Variants in SLC6A6 observed in about 807,000 individuals in gnomAD.
The protein encoded by SLC6A6 is sodium- and chloride-dependent taurine transporter.
In SLC6A6, 16 loss-of-function variants were observed where a neutral mutation model predicts 68.8. That is an observed-to-expected ratio of 0.23 (90% CI 0.16 to 0.35). The LOEUF (loss-of-function observed/expected upper bound fraction) is 0.35. SLC6A6 is among the 10% of genes least tolerant of loss of function. The pLI is 1.00. For missense variants in SLC6A6, 474 were observed against 802.8 expected (o/e 0.59, Z 4.95); for synonymous variants, 312 against 315.4 (o/e 0.99, Z 0.12).
In SLC6A6 at chr3:14,468,362, C is replaced by T. The variant is rs1700671619; in HGVS notation, c.1096+150C>T. ...CCCCCCCCCGCCACCAAGATATCCC[C>T]CAAATTTCAAAGAGTACAAAGCCAA... On this transcript the variant is annotated intron_variant, in intron 9 of 14. Coordinates refer to ENST00000622186, the MANE Select transcript of SLC6A6 (RefSeq NM_003043.6). This position sits in a 1 kb window ranked among gnomAD's most constrained non-coding sequence, Gnocchi z 4.5. 5.5e-6 allele frequency: 4 copies of T among 730,072 alleles called. No individual in the cohort carries two copies. In the South Asian group the frequency reaches 8.7e-5, roughly 16 times the overall value. The allele number at this position is 730,072 out of a possible 1,614,324, so 45.2% of individuals were successfully genotyped here.
At position 14,413,235 on chromosome 3, in the gene SLC6A6, T is replaced by G. The variant is rs117472380; in HGVS notation, c.-53-3177T>G. On this transcript the variant is annotated intron_variant, in intron 1 of 14. Transcript: ENST00000622186. ...GAGCCCAAGGAAGCACCTTAGCCTC[T>G]GACAGCCTCCCCCATTATTTAAATA... is the stretch of plus-strand genomic sequence containing the variant. Among the ~76,000 whole-genome samples, 63 of 152,332 alleles carry G rather than the reference T, an allele frequency of 4.1e-4. No homozygotes were observed. The East Asian group carries it at 0.011, about 26-fold the overall frequency.
chr3:14,409,498 G>C (rs1171279555), intron 1 of SLC6A6, among the ~76,000 whole-genome samples: 1 of 152,272 alleles, frequency 6.6e-6, no homozygotes, highest in African/African-American at 2.4e-5. Flanking sequence ...AAGGGTGGAA[G>C]GAGCGCTGGA....
intron 10 of SLC6A6, among the ~76,000 whole-genome samples, chr3:14,475,640 TG>T (rs1014577593): frequency 1.1e-4 from 17 of 152,284 alleles, no homozygotes; most frequent in African/African-American, 4.1e-4. Flanking sequence ...TGGGGGTTTG[TG>T]CTGGTCTTGG....
chr3:14,409,986 G>A (rs973734606), intron 1 of SLC6A6, among the ~76,000 whole-genome samples: 3 of 152,136 alleles, frequency 2.0e-5, no homozygotes, highest in African/African-American at 7.2e-5. Context: ...AGGAGTTCGA[G>A]ACCAGCCTGG....
chr3:14,407,969 T>C (rs1048729584), intron 1 of SLC6A6, among the ~76,000 whole-genome samples: 1 of 151,918 alleles, frequency 6.6e-6, no homozygotes, highest in African/African-American at 2.4e-5. Context: ...TTTTTATCGC[T>C]GAGTAGTCTC....
chr3:14,448,520 G>A (rs1441104258), intron 5 of SLC6A6, among the ~76,000 whole-genome samples: 2 of 152,140 alleles, frequency 1.3e-5, no homozygotes, highest in South Asian at 2.1e-4. Flanking sequence ...GCTTGTCACC[G>A]GCCACTAAGC....
rs139643110 is a variant in SLC6A6, at chr3:14,481,510, G to T, written c.1552-161G>T. On this transcript the variant is annotated intron_variant, in intron 13 of 14. Transcript: ENST00000622186. This position sits in a 1 kb window ranked among gnomAD's most constrained non-coding sequence, Gnocchi z 4.7. ...CGACTTACTGTGTTTTTACCGGGGC[G>T]GGGGGGATCCTTATGGCAGCAGAGA... 8.6e-5 allele frequency among the ~76,000 whole-genome samples: 13 copies of T among 152,016 alleles called. No individual in the cohort carries two copies. The East Asian group carries it at 2.1e-3, about 25-fold the overall frequency.
intron 10 of SLC6A6, among the ~76,000 whole-genome samples, chr3:14,476,988 C>T (rs554832658): frequency 5.0e-4 from 76 of 152,222 alleles, no homozygotes; most frequent in Non-Finnish European, 8.7e-4. Flanking sequence ...CCGAATGTTG[C>T]GTTGTCTGGC....
chr3:14,457,498 C>A (rs1700395554), intron 5 of SLC6A6, among the ~76,000 whole-genome samples: 1 of 152,328 alleles, frequency 6.6e-6, no homozygotes, highest in Non-Finnish European at 1.5e-5. Context: ...TGGGGGAGGG[C>A]AACACTTTAT....
At chr3:14,457,767 T>C (rs1413260966) in intron 5 of SLC6A6, among the ~76,000 whole-genome samples, 183 bp from the exon 6 acceptor site, 1 of 152,210 alleles carries the variant, frequency 6.6e-6, no homozygotes, top group East Asian at 1.9e-4. Context: ...TCCTTTTCTT[T>C]TCTTTCCAAC....
At chr3:14,428,118 T>G (rs538156703) in intron 2 of SLC6A6, among the ~76,000 whole-genome samples, 4 of 152,206 alleles carry the variant, frequency 2.6e-5, no homozygotes, top group African/African-American at 9.6e-5. Flanking sequence ...AGCAAGAATA[T>G]TGATGGGGAC....
intron 14 of SLC6A6, 30 bp from the exon 15 acceptor site, chr3:14,484,837 T>C (rs939847099): frequency 1.9e-6 from 3 of 1,605,352 alleles, no homozygotes; most frequent in Admixed American, 3.3e-5. Flanking sequence ...GCCTGACGTT[T>C]CCCCCCTCAC....
intron 6 of SLC6A6, among the ~76,000 whole-genome samples, chr3:14,460,109 A>C (rs952982273): frequency 2.0e-5 from 3 of 152,032 alleles, no homozygotes; most frequent in African/African-American, 7.2e-5. Flanking sequence ...GTTTCTGTGG[A>C]GCACTGGTCC....
intron 1 of SLC6A6, among the ~76,000 whole-genome samples, chr3:14,410,536 AGGGAGAG>A (rs1432587966): frequency 6.6e-6 from 1 of 152,212 alleles, no homozygotes; most frequent in African/African-American, 2.4e-5. Flanking sequence ...CGTGGAAGGT[AGGGAGAG>A]GGCTGGTGGT....
In SLC6A6 at chr3:14,416,416, A is replaced by G. The variant is rs912653152; in HGVS notation, c.-49A>G. 5.0e-6 allele frequency: 2 copies of G among 398,778 alleles called. No homozygotes were observed. The highest frequency in any genetic ancestry group is 8.8e-6 in the Non-Finnish European group (2 of 226,150). 24.7% of individuals were successfully genotyped at this position (398,778 alleles called of 1,614,324 possible). ...CGCTTCCTCTCTTTGCAATAGATCCAGAACCAGAACCACAGCCCTTCTGAG... is the reference window on the plus strand; with the variant it reads ...CGCTTCCTCTCTTTGCAATAGATCCGGAACCAGAACCACAGCCCTTCTGAG... On this transcript the variant is annotated 5_prime_UTR_variant, in exon 2 of 15. Transcript: ENST00000622186.
chr3:14,436,440 G>T (rs983539202), intron 2 of SLC6A6, among the ~76,000 whole-genome samples: 3 of 149,538 alleles, frequency 2.0e-5, no homozygotes, highest in Non-Finnish European at 4.4e-5. Context: ...CTGGCCTCAA[G>T]CCACCCTTTC....
intron 1 of SLC6A6, among the ~76,000 whole-genome samples, chr3:14,415,234 C>G (rs895183097): frequency 6.6e-6 from 1 of 152,222 alleles, no homozygotes; most frequent in Non-Finnish European, 1.5e-5. Flanking sequence ...ACTGACTGTT[C>G]CTACTCCACA....
At chr3:14,448,884 G>C (rs945820692) in intron 5 of SLC6A6, among the ~76,000 whole-genome samples, 1 of 152,248 alleles carries the variant, frequency 6.6e-6, no homozygotes, top group Non-Finnish European at 1.5e-5. Flanking sequence ...CCAGCCTTGG[G>C]GCTCAGCACT....
At position 14,447,587 on chromosome 3, in the gene SLC6A6, G is replaced by A. The variant is rs1340576249; in HGVS notation, c.370G>A (p.Gly124Ser). 3.7e-6 allele frequency: 6 copies of A among 1,614,170 alleles called. No individual in the cohort carries two copies. The highest frequency in any genetic ancestry group is 4.2e-6 in the Non-Finnish European group (5 of 1,180,030). ...EKICPLFSGI[G>S]YASVVIVSLL... ...CTCATTTGCCCAACCTGCAGGTATC[G>A]GCTATGCCTCCGTTGTAATTGTGTC... Residue 124 changes from glycine (G) to serine (S), a missense_variant, in exon 5 of 15, where the codon GGC becomes AGC. Around this residue, in one of 2 missense-constraint regions of SLC6A6, gnomAD observed 280 missense variants for 533.1 expected, o/e 0.53. Transcript: ENST00000622186.
Sources: allele counts gnomAD v4.1 joint callset (sites outside exome capture counted in the v4.1 genomes callset), GRCh38; gene constraint gnomAD v4.1.1; regional missense constraint gnomAD v4.1.1; non-coding constraint Gnocchi (gnomAD v3.1); transcripts MANE v1.5; gene names NCBI Gene and HGNC (gene_info 2026-07-23, HGNC 2026-07-21).